Variants in FBXL4 observed in about 807,000 individuals in gnomAD.
The protein encoded by FBXL4 is F-box/LRR-repeat protein 4.
A neutral mutation model predicts 58.9 loss-of-function variants in FBXL4; 40 were observed. The observed-to-expected ratio is 0.68, with a 90% CI of 0.53 to 0.88. The LOEUF is 0.88. Among genes scored for constraint, FBXL4 ranks in the 40% least tolerant of loss-of-function variants. FBXL4 has a pLI of 0.00. For synonymous variants in FBXL4, 263 were observed against 265.5 expected (o/e 0.99, Z 0.09); for missense variants, 676 against 734.4 (o/e 0.92, Z 0.92).
chr6:98,923,662 C>CT (rs1242487097), intron 4 of FBXL4, among the ~76,000 whole-genome samples: 1 of 152,126 alleles, frequency 6.6e-6, no homozygotes, highest in Non-Finnish European at 1.5e-5. Context: ...CCTCATGGTC[C>CT]TCTTCTAGGC....
At chr6:98,885,401 A>G (rs1347425020) in intron 7 of FBXL4, among the ~76,000 whole-genome samples, 3 of 151,858 alleles carry the variant, frequency 2.0e-5, no homozygotes, top group Non-Finnish European at 4.4e-5. Context: ...CGCCCTGCCA[A>G]TTCTGGGTGT....
At chr6:98,908,591 C>T (rs1264311970) in intron 5 of FBXL4, among the ~76,000 whole-genome samples, 7 of 152,106 alleles carry the variant, frequency 4.6e-5, no homozygotes, top group Admixed American at 1.3e-4. Context: ...ACAATGTTCC[C>T]ATCAATTTAT....
chr6:98,885,216 G>A (rs1266979096), intron 7 of FBXL4, among the ~76,000 whole-genome samples: 10 of 152,158 alleles, frequency 6.6e-5, no homozygotes, highest in African/African-American at 2.4e-4. Flanking sequence ...CGATTCTCCT[G>A]CCTCAGCCTC....
chr6:98,875,438 C>A lies in FBXL4; in HGVS notation c.1679G>T (p.Arg560Met). ...ACCTAATATGTCCAGCTGCTGTAAC[C>A]TGGTACAATTACATGCCAATTCATC... ...DIDELACNCTRLQQLDILGTR... is the reference protein window; with the variant it reads ...DIDELACNCTMLQQLDILGTR... The change falls in exon 9 of 10, where the codon AGG (arginine) becomes ATG (methionine). Residue 560 changes from arginine to methionine, a missense_variant. By Grantham distance (91) the Arg-to-Met change is moderately conservative (BLOSUM62 -1). Transcript: ENST00000369244. 6.2e-7 allele frequency: 1 copy of A among 1,614,020 alleles called. No homozygotes were observed. Among genetic ancestry groups the A allele is most frequent in the Non-Finnish European group, 8.5e-7 (1 of 1,179,948 alleles).
chr6:98,903,699 A>T (rs1056595705), intron 6 of FBXL4, among the ~76,000 whole-genome samples: 5 of 152,164 alleles, frequency 3.3e-5, no homozygotes, highest in African/African-American at 1.2e-4. Context: ...TAAAGTTTTT[A>T]AAATTGATTA....
chr6:98,916,819 TA>T (rs1192978009), intron 5 of FBXL4, among the ~76,000 whole-genome samples: 31 of 122,530 alleles, frequency 2.5e-4, no homozygotes, highest in East Asian at 2.2e-3. Context: ...AAAGTATAAT[TA>T]AAAAAAAACT....
chr6:98,939,075 CAAAAAAA>C (rs3068704), intron 1 of FBXL4, among the ~76,000 whole-genome samples: 94 of 25,244 alleles, frequency 3.7e-3, no homozygotes, highest in Middle Eastern at 0.071. Flanking sequence ...GACCTTGTCT[CAAAAAAA>C]AAAAAAAAAA....
intron 7 of FBXL4, among the ~76,000 whole-genome samples, chr6:98,884,059 G>A (rs924476335): frequency 1.3e-5 from 2 of 151,500 alleles, no homozygotes; most frequent in Admixed American, 6.6e-5. Context: ...TACAGAATTT[G>A]TCTTTTTGTT....
chr6:98,947,759 A>T (rs926326439), intron 1 of FBXL4, 47 bp downstream of exon 1: 3 of 131,048 alleles, frequency 2.3e-5, no homozygotes, highest in African/African-American at 8.5e-5. Flanking sequence ...GCGCCAAAGG[A>T]AGAAGACAGA....
Position 98,869,954 on chromosome 6 carries a change from G to A in FBXL4, c.*4324C>T, listed in dbSNP as rs143876965. 1.3e-5 allele frequency: 2 copies of A among 152,076 alleles called. No individual in the cohort carries two copies. Among genetic ancestry groups the A allele is most frequent in the Non-Finnish European group, 2.9e-5 (2 of 68,016 alleles). 9.4% of individuals were successfully genotyped at this position (152,076 alleles called of 1,614,324 possible). A position where few individuals can be genotyped will look rare whatever the true frequency, so the allele number is the denominator to read the frequency against. On this transcript the variant is annotated 3_prime_UTR_variant, in exon 10 of 10. Coordinates refer to ENST00000369244, the MANE Select transcript of FBXL4 (RefSeq NM_001278716.2). ...GGATATCTTTATTTCTAGACTCTGG[G>A]AAGATAATTTACCTGAGCAAAATGC...
At chr6:98,925,978 G>A (rs997577955) in intron 4 of FBXL4, among the ~76,000 whole-genome samples, 1 of 152,132 alleles carries the variant, frequency 6.6e-6, no homozygotes, top group African/African-American at 2.4e-5. Context: ...CTTGTAGGGA[G>A]AATGCATGAA....
At chr6:98,909,491 C>T (rs1473839342) in intron 5 of FBXL4, among the ~76,000 whole-genome samples, 1 of 152,206 alleles carries the variant, frequency 6.6e-6, no homozygotes, top group African/African-American at 2.4e-5. Context: ...TTCCCTTTGC[C>T]TCAAGTGTCT....
chr6:98,897,403 T>C, intron 7 of FBXL4: 1 of 955,780 alleles, frequency 1.0e-6, no homozygotes, highest in Non-Finnish European at 1.2e-6. Flanking sequence ...ATTTTACAAA[T>C]AAAAAATCTG....
At chr6:98,907,218 T>A (rs1771849503) in intron 5 of FBXL4, among the ~76,000 whole-genome samples, 1 of 152,192 alleles carries the variant, frequency 6.6e-6, no homozygotes. Flanking sequence ...GACTGTGTTA[T>A]GAAAGCCTCA....
At chr6:98,931,523 G>C (rs1773009880) in intron 2 of FBXL4, among the ~76,000 whole-genome samples, 1 of 151,912 alleles carries the variant, frequency 6.6e-6, no homozygotes, top group Non-Finnish European at 1.5e-5. Context: ...AGTTAAAAAT[G>C]GCAAAAGAAA....
At chr6:98,934,591 T>G (rs191395617) in intron 2 of FBXL4, among the ~76,000 whole-genome samples, 171 bp downstream of exon 2, 1 of 152,188 alleles carries the variant, frequency 6.6e-6, no homozygotes, top group Non-Finnish European at 1.5e-5. Context: ...AAAACTAACA[T>G]TGAAAAAATC....
chr6:98,945,838 C>T (rs1470462278), intron 1 of FBXL4, among the ~76,000 whole-genome samples: 1 of 152,160 alleles, frequency 6.6e-6, no homozygotes, highest in Non-Finnish European at 1.5e-5. Flanking sequence ...GATTTTTAAT[C>T]AGGCTGCTTC....
intron 7 of FBXL4, among the ~76,000 whole-genome samples, chr6:98,896,274 T>C (rs1312459904): frequency 6.6e-6 from 1 of 152,158 alleles, no homozygotes; most frequent in Non-Finnish European, 1.5e-5. Flanking sequence ...AAAAGGAGTG[T>C]GTGTATCAAA....
At chr6:98,909,501 T>C (rs1181934673) in intron 5 of FBXL4, among the ~76,000 whole-genome samples, 5 of 152,254 alleles carry the variant, frequency 3.3e-5, no homozygotes. Flanking sequence ...CTCAAGTGTC[T>C]TCTGGCCTTC....
Sources: gnomAD v4.1 joint callset for allele counts (sites outside exome capture counted in the v4.1 genomes callset) on GRCh38, gnomAD v4.1.1 for gene constraint, MANE v1.5 for transcripts, NCBI Gene and HGNC (gene_info 2026-07-23, HGNC 2026-07-21) for gene names.